XKR6: variants seen among roughly 807,000 people sequenced by gnomAD.
XKR6 encodes the protein XK-related protein 6.
A neutral mutation model predicts 56.7 loss-of-function variants in XKR6; 22 were observed. That is an observed-to-expected ratio of 0.39 (90% CI 0.28 to 0.55). The LOEUF is 0.55. XKR6 is among the 20% of genes least tolerant of loss of function. The pLI is 0.66. For synonymous variants in XKR6, 524 were observed against 387.8 expected, an observed-to-expected ratio of 1.35 and a Z score of -4.13; for missense variants, 852 against 889.0, an observed-to-expected ratio of 0.96 and a Z score of 0.53.
chr8:11,106,061 A>T (rs1300957825), intron 1 of XKR6: 1 of 152,254 alleles, frequency 6.6e-6, no homozygotes, highest in Admixed American at 6.5e-5. Flanking sequence ...GGGTTTCTAA[A>T]AAGCTACATA....
At chr8:11,174,325 T>G (rs1423211755) in intron 1 of XKR6, among the ~76,000 whole-genome samples, 1 of 152,232 alleles carries the variant, frequency 6.6e-6, no homozygotes, top group East Asian at 1.9e-4. Flanking sequence ...ACCCACGTAT[T>G]TAAAACAAGT....
chr8:11,155,944 G>A (rs956491803), intron 1 of XKR6, among the ~76,000 whole-genome samples: 5 of 152,276 alleles, frequency 3.3e-5, no homozygotes, highest in African/African-American at 7.2e-5. Context: ...TGAAGGAGGC[G>A]CCTATTCTGT....
intron 2 of XKR6, among the ~76,000 whole-genome samples, chr8:10,924,078 G>A (rs140423264): frequency 1.3e-5 from 2 of 152,294 alleles, no homozygotes; most frequent in African/African-American, 2.4e-5. Context: ...GTCACCCCAT[G>A]TGTTGTTGCT....
At chr8:10,916,451 G>C (rs560801825) in intron 2 of XKR6, among the ~76,000 whole-genome samples, 2 of 152,340 alleles carry the variant, frequency 1.3e-5, no homozygotes, top group South Asian at 4.1e-4. Context: ...GGACTGGAAA[G>C]AGACAAGAAA....
intron 1 of XKR6, among the ~76,000 whole-genome samples, chr8:10,974,871 G>C (rs141254627): frequency 6.6e-6 from 1 of 152,326 alleles, no homozygotes; most frequent in African/African-American, 2.4e-5. Context: ...AAGGTGAAAA[G>C]GTTCTGTAGA....
intron 1 of XKR6, among the ~76,000 whole-genome samples, chr8:10,990,575 T>C (rs571721024): frequency 2.1e-4 from 32 of 152,184 alleles, no homozygotes; most frequent in African/African-American, 7.5e-4. Flanking sequence ...TGCTGGGGAA[T>C]GTTTGTTGTT....
Position 10,898,015 on chromosome 8 carries a change from T to C in XKR6, c.1863A>G (p.Val621=), listed in dbSNP as rs1170491781. Residue 621 remains valine (V), a synonymous_variant, in exon 3 of 3, where the codon GTA becomes GTG. Transcript: ENST00000416569. The surrounding 1 kb of genome is among the most constrained non-coding windows in gnomAD (Gnocchi z 6.6). ...NILQYVTPTA[V]GIRYRDGPLL... ...GTGGTCCGTCTCGATATCGAATGCC[T>C]ACTGCGGTGGGGGTGACATATTGTA... 2 of 1,613,122 alleles carry C rather than the reference T, an allele frequency of 1.2e-6. No individual in the cohort carries two copies. The highest frequency in any genetic ancestry group is 2.7e-5 in the African/African-American group (2 of 74,838).
At chr8:11,051,874 A>T (rs1387505597) in intron 1 of XKR6, among the ~76,000 whole-genome samples, 1 of 152,226 alleles carries the variant, frequency 6.6e-6, no homozygotes, top group African/African-American at 2.4e-5. Context: ...ATACACGTGC[A>T]GAACGTGCAG....
chr8:11,111,397 A>G (rs751538458), intron 1 of XKR6, among the ~76,000 whole-genome samples: 31 of 152,166 alleles, frequency 2.0e-4, no homozygotes, highest in Non-Finnish European at 3.8e-4. Context: ...TGCCACAAGT[A>G]TATTTGGATA....
chr8:10,928,607 C>G (rs1174193498), intron 1 of XKR6, among the ~76,000 whole-genome samples: 1 of 152,160 alleles, frequency 6.6e-6, no homozygotes. Context: ...CCCGCGGCCA[C>G]ACGGTGGCGC....
chr8:11,056,432 C>T (rs944131452), intron 1 of XKR6, among the ~76,000 whole-genome samples: 2 of 152,186 alleles, frequency 1.3e-5, no homozygotes, highest in African/African-American at 2.4e-5. Context: ...GGTAAACATC[C>T]CCTGTGTTCA....
intron 1 of XKR6, among the ~76,000 whole-genome samples, chr8:11,050,943 C>G (rs908377600): frequency 1.3e-5 from 2 of 152,160 alleles, no homozygotes; most frequent in Non-Finnish European, 2.9e-5. Context: ...TGAAAACATC[C>G]TCTGACCTCA....
intron 1 of XKR6, among the ~76,000 whole-genome samples, chr8:11,153,389 T>G (rs1329528574): frequency 1.3e-5 from 2 of 152,216 alleles, no homozygotes; most frequent in African/African-American, 4.8e-5. Context: ...TATCAATAGG[T>G]TGGATAACTT....
intron 1 of XKR6, among the ~76,000 whole-genome samples, chr8:11,008,565 T>G (rs1437020846): frequency 2.0e-5 from 3 of 152,114 alleles, no homozygotes; most frequent in Non-Finnish European, 4.4e-5. Context: ...GGACCACAGG[T>G]GCATGCCACC....
intron 1 of XKR6, among the ~76,000 whole-genome samples, chr8:10,983,221 G>A (rs966187880): frequency 1.3e-5 from 2 of 151,996 alleles, no homozygotes; most frequent in African/African-American, 4.8e-5. Flanking sequence ...AAATGTAGAA[G>A]TGATAAATTC....
At chr8:11,091,455 A>ATAAATAAATAAC (rs1798068621) in intron 1 of XKR6, among the ~76,000 whole-genome samples, 1 of 151,648 alleles carries the variant, frequency 6.6e-6, no homozygotes, top group Non-Finnish European at 1.5e-5. Flanking sequence ...AAATAAATAA[A>ATAAATAAATAAC]TAGATAGATA....
intron 1 of XKR6, among the ~76,000 whole-genome samples, chr8:11,099,886 A>G (rs969552320): frequency 6.6e-6 from 1 of 152,152 alleles, no homozygotes; most frequent in Non-Finnish European, 1.5e-5. Context: ...CGGAGGAGAC[A>G]ATTTAGCAGA....
intron 1 of XKR6, chr8:11,111,766 T>G (rs1179724596): frequency 6.6e-6 from 1 of 152,150 alleles, no homozygotes; most frequent in Non-Finnish European, 1.5e-5. Context: ...TGAAATCTAC[T>G]GATTCATCTA....
intron 1 of XKR6, among the ~76,000 whole-genome samples, chr8:11,094,242 T>C (rs1278526256): frequency 1.3e-5 from 2 of 152,026 alleles, no homozygotes; most frequent in African/African-American, 2.4e-5. Flanking sequence ...TATATACATA[T>C]ATATGTATGT....
Sources: allele counts gnomAD v4.1 joint callset (sites outside exome capture counted in the v4.1 genomes callset), GRCh38; gene constraint gnomAD v4.1.1; non-coding constraint Gnocchi (gnomAD v3.1); transcripts MANE v1.5; gene names NCBI Gene and HGNC (gene_info 2026-07-23, HGNC 2026-07-21).